Variants in KLF12 observed in about 807,000 individuals in gnomAD.
KLF12 encodes KLF transcription factor 12, also known as Krueppel-like factor 12.
A neutral mutation model predicts 37.8 loss-of-function variants in KLF12; 9 were observed. The ratio of observed to expected loss-of-function variants is 0.24; its 90% CI spans 0.14 to 0.42. The LOEUF is 0.42. Among genes scored for constraint, KLF12 ranks in the 10% least tolerant of loss-of-function variants. The pLI is 1.00. For missense variants in KLF12, 411 were observed against 516.0 expected, an observed-to-expected ratio of 0.80 and a Z score of 1.97; for synonymous variants, 208 against 202.1, an observed-to-expected ratio of 1.03 and a Z score of -0.25.
intron 3 of KLF12, among the ~76,000 whole-genome samples, chr13:73,920,675 T>C (rs1288948320): frequency 1.3e-5 from 2 of 152,132 alleles, no homozygotes; most frequent in African/African-American, 4.8e-5. Context: ...AACAGTTCTC[T>C]GTCCTTTCCT....
In KLF12 at chr13:73,845,958, A is replaced by C; in HGVS notation, c.539T>G (p.Leu180Arg). 2 of 1,614,158 alleles carry C rather than the reference A, an allele frequency of 1.2e-6. No individual in the cohort carries two copies. The highest frequency in any genetic ancestry group is 1.7e-6 in the Non-Finnish European group (2 of 1,180,010). ...CACGGGGATGCGGTGAACATGACTC[A>C]GTTTGTTAGACTGTAAATTCATGGG... Residue 180 changes from leucine (L) to arginine (R), a missense_variant, in exon 4 of 8, where the codon CTG (leucine) becomes CGG (arginine). Physicochemically the swap from Leu to Arg is moderately radical, Grantham distance 102. Transcript: ENST00000377669.
At chr13:73,795,801 A>C (rs1326274899) in intron 5 of KLF12, among the ~76,000 whole-genome samples, 1 of 152,174 alleles carries the variant, frequency 6.6e-6, no homozygotes, top group Non-Finnish European at 1.5e-5. Flanking sequence ...GACTCAACAT[A>C]AACTTTGGGT....
intron 4 of KLF12, among the ~76,000 whole-genome samples, chr13:73,824,749 C>T (rs147016390): frequency 9.9e-5 from 15 of 152,082 alleles, no homozygotes; most frequent in South Asian, 4.2e-4. Flanking sequence ...TCCATTAGTC[C>T]GCATCAATCT....
chr13:74,032,224 T>A (rs563570898), intron 1 of KLF12, among the ~76,000 whole-genome samples: 1 of 152,290 alleles, frequency 6.6e-6, no homozygotes, highest in East Asian at 1.9e-4. Flanking sequence ...ATCATAGGAC[T>A]CTCCTTAACA....
the KLF12 span, among the ~76,000 whole-genome samples, chr13:74,291,986 A>G: frequency 6.6e-6 from 1 of 152,252 alleles, no homozygotes; most frequent in African/African-American, 2.4e-5. Flanking sequence ...TAAATGCTTT[A>G]CAATATTATT....
At chr13:73,799,684 T>C (rs1427194956) in intron 5 of KLF12, among the ~76,000 whole-genome samples, 1 of 152,154 alleles carries the variant, frequency 6.6e-6, no homozygotes, top group African/African-American at 2.4e-5. Context: ...ACCTTTTGAT[T>C]AAAGAAGTCA....
chr13:73,797,656 G>C (rs1455279755), intron 5 of KLF12, among the ~76,000 whole-genome samples: 2 of 151,056 alleles, frequency 1.3e-5, no homozygotes, highest in African/African-American at 4.9e-5. Context: ...TGTAATTCTA[G>C]CTACTAGTGA....
At chr13:74,223,718 T>C in the KLF12 span, among the ~76,000 whole-genome samples, 3 of 152,174 alleles carry the variant, frequency 2.0e-5, no homozygotes, top group Admixed American at 2.0e-4. Flanking sequence ...TTCTATTGGA[T>C]CAATATCAGT....
intron 3 of KLF12, among the ~76,000 whole-genome samples, chr13:73,897,376 ATCTC>A (rs1260177243): frequency 2.0e-5 from 3 of 152,044 alleles, no homozygotes; most frequent in African/African-American, 4.8e-5. Context: ...GATTTGTCAA[ATCTC>A]TATTTGACAT....
chr13:74,203,795 A>AG, the KLF12 span, among the ~76,000 whole-genome samples: 1 of 152,130 alleles, frequency 6.6e-6, no homozygotes, highest in Non-Finnish European at 1.5e-5. Context: ...AGAGAGCTAC[A>AG]GTACCACCCA....
In KLF12 at chr13:74,102,947, T is replaced by C. The variant is rs550004610; in HGVS notation, c.-32+30792A>G. 8.5e-5 allele frequency among the ~76,000 whole-genome samples: 13 copies of C among 152,364 alleles called. No homozygotes were observed. In the South Asian group the frequency reaches 2.7e-3, roughly 32 times the overall value. ...GTAGGTTTTATGGATTGGATGGTTGTGTCATATCAACATGGACTTCCTCCC... is the reference window on the plus strand; with the variant it reads ...GTAGGTTTTATGGATTGGATGGTTGCGTCATATCAACATGGACTTCCTCCC... On this transcript the variant is annotated intron_variant, in intron 1 of 7. Coordinates refer to ENST00000377669, the MANE Select transcript of KLF12 (RefSeq NM_007249.5).
chr13:73,796,636 A>C (rs748020204), intron 5 of KLF12, among the ~76,000 whole-genome samples: 1 of 151,984 alleles, frequency 6.6e-6, no homozygotes, highest in African/African-American at 2.4e-5. Flanking sequence ...GAATTGAACA[A>C]ATCTTATAGA....
intron 6 of KLF12, among the ~76,000 whole-genome samples, chr13:73,747,260 G>A (rs1878435725): frequency 6.6e-6 from 1 of 151,670 alleles, no homozygotes. Flanking sequence ...AAAAGACATG[G>A]CAGGGATCCA....
rs199669860 is a variant in KLF12 at position 73,919,118 on chromosome 13, CCA to C, written c.123+24861_123+24862del. ...AACTACCCAGGAGCACTGTCCACAT[CCA>C]CAGAGGCCCCCAGATACTTAAAGAT... On this transcript the variant is annotated intron_variant, in intron 3 of 7. Coordinates refer to ENST00000377669, the MANE Select transcript of KLF12 (RefSeq NM_007249.5). Among the ~76,000 whole-genome samples the C allele has an allele frequency of 2.7e-3, 411 of 152,280 alleles. 6 individuals carry two copies. The East Asian group carries it at 0.053, about 20-fold the overall frequency.
chr13:73,972,216 TTA>T (rs1349867614), intron 2 of KLF12, among the ~76,000 whole-genome samples: 1 of 152,146 alleles, frequency 6.6e-6, no homozygotes, highest in East Asian at 1.9e-4. Flanking sequence ...AAGGCTAACA[TTA>T]TGAGTTTTGA....
chr13:73,817,720 A>C (rs1883310357), intron 4 of KLF12, among the ~76,000 whole-genome samples: 1 of 152,250 alleles, frequency 6.6e-6, no homozygotes, highest in Non-Finnish European at 1.5e-5. Context: ...CAATTAAGGC[A>C]TATGCTGCAT....
chr13:73,874,342 C>G (rs1319346865), intron 3 of KLF12, among the ~76,000 whole-genome samples: 2 of 152,170 alleles, frequency 1.3e-5, no homozygotes, highest in African/African-American at 2.4e-5. Flanking sequence ...GACACTTCCC[C>G]TGTGAAACAT....
chr13:73,696,464 T>C (rs531723318), intron 7 of KLF12, among the ~76,000 whole-genome samples: 1 of 152,260 alleles, frequency 6.6e-6, no homozygotes, highest in Admixed American at 6.5e-5. Flanking sequence ...ACACTAGCCA[T>C]TGTCCAAATG....
At chr13:73,907,981 T>G (rs1888383524) in intron 3 of KLF12, among the ~76,000 whole-genome samples, 1 of 152,184 alleles carries the variant, frequency 6.6e-6, no homozygotes, top group Non-Finnish European at 1.5e-5. Flanking sequence ...TTCAGGTCTT[T>G]GTACTGGCTG....
Sources: allele counts gnomAD v4.1 joint callset (sites outside exome capture counted in the v4.1 genomes callset), GRCh38; gene constraint gnomAD v4.1.1; transcripts MANE v1.5; gene names NCBI Gene and HGNC (gene_info 2026-07-23, HGNC 2026-07-21).